Variants in THSD7B observed in about 807,000 individuals in gnomAD.
THSD7B encodes thrombospondin type-1 domain-containing protein 7B.
Under a neutral mutation model 213.6 loss-of-function variants are expected in THSD7B, and 138 were observed. The observed-to-expected ratio is 0.65, with a 90% CI of 0.56 to 0.74. The LOEUF (loss-of-function observed/expected upper bound fraction) is 0.74. Among genes scored for constraint, THSD7B ranks in the 30% least tolerant of loss-of-function variants. The pLI, the probability that THSD7B is intolerant of heterozygous loss-of-function variation, is 0.00. For missense variants in THSD7B, 1,931 were observed against 1,991.5 expected (o/e 0.97, Z 0.58); for synonymous variants, 742 against 687.0 (o/e 1.08, Z -1.25).
At chr2:137,397,001 G>C (rs1474230028) in intron 12 of THSD7B, among the ~76,000 whole-genome samples, 1 of 138,944 alleles carries the variant, frequency 7.2e-6, no homozygotes, top group Non-Finnish European at 1.6e-5. Flanking sequence ...GCCTTTTTTT[G>C]TTTTCCATTT....
chr2:137,089,294 ATATG>A (rs1426628284), intron 3 of THSD7B, among the ~76,000 whole-genome samples: 2 of 148,416 alleles, frequency 1.3e-5, no homozygotes, highest in Non-Finnish European at 3.0e-5. Flanking sequence ...ATATACATAT[ATATG>A]TGTGTGTATA....
intron 3 of THSD7B, among the ~76,000 whole-genome samples, chr2:137,074,579 A>G (rs987112988): frequency 4.6e-5 from 7 of 152,160 alleles, no homozygotes; most frequent in African/African-American, 1.7e-4. Flanking sequence ...CGTTTAGCCC[A>G]TTTACATTTA....
chr2:137,329,710 A>G (rs1056488188), intron 12 of THSD7B, among the ~76,000 whole-genome samples: 1 of 152,238 alleles, frequency 6.6e-6, no homozygotes, highest in African/African-American at 2.4e-5. Flanking sequence ...GAGAAAGCCG[A>G]GGATAAAAGT....
At chr2:136,844,001 A>G (rs530997341) in intron 1 of THSD7B, among the ~76,000 whole-genome samples, 16 of 152,262 alleles carry the variant, frequency 1.1e-4, no homozygotes, top group East Asian at 1.9e-4. Context: ...ATTTCAAACT[A>G]TACTCTGAGA....
chr2:137,384,218 C>G (rs1685843334), intron 12 of THSD7B, among the ~76,000 whole-genome samples: 1 of 152,154 alleles, frequency 6.6e-6, no homozygotes, highest in Non-Finnish European at 1.5e-5. Flanking sequence ...TAGGAGATAC[C>G]TCTGGACACA....
intron 17 of THSD7B, among the ~76,000 whole-genome samples, chr2:137,590,999 C>A (rs1681854765): frequency 1.3e-5 from 2 of 151,312 alleles, no homozygotes; most frequent in South Asian, 4.2e-4. Flanking sequence ...TTTATTTTTT[C>A]TGATACACTT....
At chr2:137,405,535 T>C in intron 12 of THSD7B, 78 bp from the exon 13 acceptor site, 6 of 1,377,366 alleles carry the variant, frequency 4.4e-6, no homozygotes, top group Non-Finnish European at 4.9e-6. Flanking sequence ...CATTGGGGGA[T>C]TCTGCTGTCT....
At chr2:137,370,255 T>A (rs1685513730) in intron 12 of THSD7B, among the ~76,000 whole-genome samples, 1 of 152,126 alleles carries the variant, frequency 6.6e-6, no homozygotes, top group African/African-American at 2.4e-5. Context: ...TCATTTTAAT[T>A]TTGGTTTTTA....
intron 10 of THSD7B, among the ~76,000 whole-genome samples, chr2:137,260,127 T>C (rs1395664034): frequency 6.6e-6 from 1 of 152,092 alleles, no homozygotes; most frequent in African/African-American, 2.4e-5. Flanking sequence ...TCAAAGAGAA[T>C]TGCAAGGCAA....
intron 7 of THSD7B, among the ~76,000 whole-genome samples, chr2:137,212,108 G>T (rs918659710): frequency 3.3e-5 from 5 of 151,966 alleles, no homozygotes; most frequent in Non-Finnish European, 7.4e-5. Flanking sequence ...AATTTTATTA[G>T]ATATTTATTG....
At chr2:137,281,865 C>T (rs1158044547) in intron 12 of THSD7B, among the ~76,000 whole-genome samples, 3 of 152,132 alleles carry the variant, frequency 2.0e-5, no homozygotes, top group African/African-American at 4.8e-5. Context: ...AATAAACACA[C>T]GTGTGCATGT....
chr2:137,370,943 CT>C (rs1004036131), intron 12 of THSD7B, among the ~76,000 whole-genome samples: 4 of 150,916 alleles, frequency 2.7e-5, no homozygotes, highest in African/African-American at 7.3e-5. Flanking sequence ...CTATGATAAT[CT>C]TTTTTTTTCA....
At chr2:136,789,944 A>C (rs1681932474) in intron 1 of THSD7B, among the ~76,000 whole-genome samples, 1 of 152,144 alleles carries the variant, frequency 6.6e-6, no homozygotes, top group African/African-American at 2.4e-5. Context: ...GAAAAGATGG[A>C]GCCCTCTGTA....
intron 5 of THSD7B, among the ~76,000 whole-genome samples, chr2:137,135,965 T>C (rs938194662): frequency 1.2e-5 from 1 of 85,162 alleles, no homozygotes; most frequent in African/African-American, 3.0e-5. Context: ...TGGAATATTA[T>C]GCAGCCATAA....
intron 12 of THSD7B, among the ~76,000 whole-genome samples, chr2:137,399,216 C>CA (rs60183870): frequency 0.89 from 131,342 of 147,240 alleles, 59,309 homozygotes; most frequent in South Asian, 0.98. Context: ...TTTTTAAACA[C>CA]AAGTCTTGCT....
chr2:136,895,508 T>A (rs1683941534), intron 2 of THSD7B, among the ~76,000 whole-genome samples: 2 of 130,148 alleles, frequency 1.5e-5, no homozygotes, highest in Non-Finnish European at 3.2e-5. Flanking sequence ...TTATGCCAAG[T>A]GGAGACTTTT....
chr2:137,241,821 G>A (rs1319103174), intron 9 of THSD7B, among the ~76,000 whole-genome samples: 1 of 151,486 alleles, frequency 6.6e-6, no homozygotes, highest in East Asian at 2.0e-4. Context: ...AGGTGTGAGA[G>A]TCACTTGAAC....
intron 10 of THSD7B, among the ~76,000 whole-genome samples, chr2:137,260,996 G>C: frequency 6.6e-6 from 1 of 151,890 alleles, no homozygotes; most frequent in East Asian, 1.9e-4. Context: ...GTTTTTTGTA[G>C]ATATGGGGGT....
chr2:137,646,238 C>A (rs1683028707), intron 21 of THSD7B, among the ~76,000 whole-genome samples: 1 of 152,108 alleles, frequency 6.6e-6, no homozygotes, highest in Non-Finnish European at 1.5e-5. Context: ...GGGCTCCGCC[C>A]TCATGAACGG....
Sources: gnomAD v4.1 joint callset for allele counts (sites outside exome capture counted in the v4.1 genomes callset) on GRCh38, gnomAD v4.1.1 for gene constraint, MANE v1.5 for transcripts, NCBI Gene and HGNC (gene_info 2026-07-23, HGNC 2026-07-21) for gene names.